SEPTIN9: variants seen among roughly 807,000 people sequenced by gnomAD.
SEPTIN9 encodes septin 9, also known as septin-9.
A neutral mutation model predicts 56.6 loss-of-function variants in SEPTIN9; 13 were observed. The ratio of observed to expected loss-of-function variants is 0.23; its 90% CI spans 0.15 to 0.37. The LOEUF (loss-of-function observed/expected upper bound fraction) is 0.37, where lower values mean the gene tolerates loss of function less well. Ranked by LOEUF, SEPTIN9 falls within the 10% of genes least tolerant of loss-of-function variation. The pLI is 1.00. For missense variants in SEPTIN9, 650 were observed against 823.1 expected (o/e 0.79, Z 2.57); for synonymous variants, 332 against 334.1 (o/e 0.99, Z 0.07).
In SEPTIN9 at chr17:77,440,386, T is replaced by C. The variant is rs1218399813; in HGVS notation, c.721+37683T>C. On this transcript the variant is annotated intron_variant, in intron 3 of 11. Coordinates refer to ENST00000427177, the MANE Select transcript of SEPTIN9 (RefSeq NM_001113491.2). The stretch of plus-strand genomic sequence containing the variant: ...GCCAGGCTGGTCTCGAACTCCCGAC[T>C]TCAGGTGATCCGCCTGCCTTCGCCT... Among the ~76,000 whole-genome samples the C allele has an allele frequency of 2.0e-5, 3 of 152,226 alleles. No homozygotes were observed. In the East Asian group the frequency reaches 5.8e-4, roughly 30 times the overall value.
intron 3 of SEPTIN9, among the ~76,000 whole-genome samples, chr17:77,480,790 C>T (rs1019845410): frequency 1.3e-5 from 2 of 152,156 alleles, no homozygotes; most frequent in African/African-American, 2.4e-5. Flanking sequence ...CCTGTCTTAG[C>T]GCAGGATGCC....
At chr17:77,295,351 T>G (rs955098109) in intron 1 of SEPTIN9, among the ~76,000 whole-genome samples, 1 of 152,118 alleles carries the variant, frequency 6.6e-6, no homozygotes, top group African/African-American at 2.4e-5. Flanking sequence ...GAGGAAGTCC[T>G]GTGACCAGAG....
intron 3 of SEPTIN9, among the ~76,000 whole-genome samples, chr17:77,447,386 C>G (rs1568075904): frequency 6.6e-6 from 1 of 152,136 alleles, no homozygotes; most frequent in East Asian, 1.9e-4. Flanking sequence ...GACCCTCCAC[C>G]AAAAAACATT....
Position 77,329,330 on chromosome 17 carries a change from C to A in SEPTIN9, c.76+22133C>A, listed in dbSNP as rs746061045. 9.2e-5 allele frequency among the ~76,000 whole-genome samples: 14 copies of A among 152,286 alleles called. No homozygotes were observed. Among genetic ancestry groups the A allele is most frequent in the Admixed American group, 4.6e-4 (7 of 15,304 alleles). On this transcript the variant is annotated intron_variant, in intron 2 of 11. Coordinates refer to ENST00000427177, the MANE Select transcript of SEPTIN9 (RefSeq NM_001113491.2). This position sits in a 1 kb window ranked among gnomAD's most constrained non-coding sequence, Gnocchi z 4.3. Reference sequence around the variant, plus strand: ...CTGGATGGACCCACCTGCCTGGCTGCCCCCGTCAGCATCCAGCAGAGGCCA... The same window carrying A: ...CTGGATGGACCCACCTGCCTGGCTGACCCCGTCAGCATCCAGCAGAGGCCA...
intron 3 of SEPTIN9, among the ~76,000 whole-genome samples, chr17:77,438,715 G>C (rs1312629925): frequency 2.6e-5 from 4 of 152,222 alleles, no homozygotes; most frequent in Admixed American, 2.6e-4. Flanking sequence ...CTGTAGCCTA[G>C]TGAGGTGGAG....
intron 3 of SEPTIN9, chr17:77,446,911 T>TA (rs2037762894): frequency 6.0e-6 from 1 of 167,272 alleles, no homozygotes; most frequent in East Asian, 1.9e-4. Flanking sequence ...TATATTTTTT[T>TA]ATTGTGCTAA....
rs766121476 is a variant in SEPTIN9 at position 77,476,626 on chromosome 17, C to T, written c.722-5518C>T. On this transcript the variant is annotated intron_variant, in intron 3 of 11. Coordinates refer to ENST00000427177, the MANE Select transcript of SEPTIN9 (RefSeq NM_001113491.2). This position sits in a 1 kb window ranked among gnomAD's most constrained non-coding sequence, Gnocchi z 6.0. Reference sequence around the variant, plus strand: ...GCAGATTTGGGGGCAGTCCCCATCACGGGACCGGTGACCTACTGCCACCAG... The same window carrying T: ...GCAGATTTGGGGGCAGTCCCCATCATGGGACCGGTGACCTACTGCCACCAG... Among the ~76,000 whole-genome samples, 11 of 152,234 alleles carry T rather than the reference C, an allele frequency of 7.2e-5. No homozygotes were observed. Among genetic ancestry groups the T allele is most frequent in the Non-Finnish European group, 1.3e-4 (9 of 68,034 alleles).
At chr17:77,401,676 G>A (rs2035905028) in intron 2 of SEPTIN9, among the ~76,000 whole-genome samples, 2 of 151,770 alleles carry the variant, frequency 1.3e-5, no homozygotes, top group Admixed American at 1.3e-4. Flanking sequence ...AACCCGGGAG[G>A]TGCCGCTGCA....
chr17:77,290,580 C>G (rs940174525), intron 1 of SEPTIN9, among the ~76,000 whole-genome samples: 2 of 151,760 alleles, frequency 1.3e-5, no homozygotes, highest in African/African-American at 4.8e-5. Flanking sequence ...GTAATCCCAG[C>G]ACTTTGAGAG....
At position 77,465,470 on chromosome 17, in the gene SEPTIN9, G is replaced by A. The variant is rs558411323; in HGVS notation, c.722-16674G>A. 2.2e-4 allele frequency among the ~76,000 whole-genome samples: 34 copies of A among 152,320 alleles called. No homozygotes were observed. The South Asian group carries it at 5.8e-3, about 26-fold the overall frequency. ...CAGCCAGGTGCTGCGAGTCCGTGTC[G>A]CAGCCATTTCTCTGTGCTGTGCTCT... On this transcript the variant is annotated intron_variant, in intron 3 of 11. Coordinates refer to ENST00000427177, the MANE Select transcript of SEPTIN9 (RefSeq NM_001113491.2).
chr17:77,450,460 C>G lies in SEPTIN9; in HGVS notation c.722-31684C>G. On this transcript the variant is annotated intron_variant, in intron 3 of 11. Coordinates refer to ENST00000427177, the MANE Select transcript of SEPTIN9 (RefSeq NM_001113491.2). The surrounding 1 kb of genome is among the most constrained non-coding windows in gnomAD (Gnocchi z 6.0). The stretch of plus-strand genomic sequence containing the variant: ...AATCCCTCCCAGCCCCCAGCAAGCC[C>G]TCGGAACGAGCCCACTCCCAGGCGC... 4 of 985,206 alleles carry G rather than the reference C, an allele frequency of 4.1e-6. No homozygotes were observed. The highest frequency in any genetic ancestry group is 4.8e-6 in the Non-Finnish European group (4 of 829,730). The allele number at this position is 985,206 out of a possible 1,614,324, so 61.0% of individuals were successfully genotyped here. A position where few individuals can be genotyped will look rare whatever the true frequency, so the allele number is the denominator to read the frequency against.
At chr17:77,458,138 C>T (rs906931669) in intron 3 of SEPTIN9, among the ~76,000 whole-genome samples, 4 of 152,208 alleles carry the variant, frequency 2.6e-5, no homozygotes, top group Non-Finnish European at 5.9e-5. Context: ...AGGAATGTTT[C>T]AAGCTTCCAG....
In SEPTIN9 at chr17:77,487,935, C is replaced by G. The variant is rs2143344889; in HGVS notation, c.1043-305C>G. ...CGGGGACTCGCTGTGCCCACCATCC[C>G]CAGCATGTTGAGCATGTTGGGGCTC... On this transcript the variant is annotated intron_variant, in intron 5 of 11. Transcript: ENST00000427177. This position sits in a 1 kb window ranked among gnomAD's most constrained non-coding sequence, Gnocchi z 4.3. 6.6e-6 allele frequency among the ~76,000 whole-genome samples: 1 copy of G among 152,324 alleles called. No homozygotes were observed. The highest frequency in any genetic ancestry group is 1.9e-4 in the East Asian group (1 of 5,166).
chr17:77,484,830 C>A (rs181275651), intron 4 of SEPTIN9, among the ~76,000 whole-genome samples: 4 of 10,334 alleles, frequency 3.9e-4, no homozygotes, highest in East Asian at 7.2e-3. Flanking sequence ...ATGGTGGTGG[C>A]GATGGTGGTT....
At position 77,425,297 on chromosome 17, in the gene SEPTIN9, G is replaced by A. The variant is rs1051610250; in HGVS notation, c.721+22594G>A. Among the ~76,000 whole-genome samples, 6 of 152,190 alleles carry A rather than the reference G, an allele frequency of 3.9e-5. No homozygotes were observed. The highest frequency in any genetic ancestry group is 3.9e-4 in the Admixed American group (6 of 15,290). On this transcript the variant is annotated intron_variant, in intron 3 of 11. Transcript: ENST00000427177. The surrounding 1 kb of genome is among the most constrained non-coding windows in gnomAD (Gnocchi z 4.2). Reference sequence around the variant, plus strand: ...GGGCCAGCGGCCTCCGGAAGCCTCTGGGCTTTGCAAGCTGGACTCCCCAGA... The same window carrying A: ...GGGCCAGCGGCCTCCGGAAGCCTCTAGGCTTTGCAAGCTGGACTCCCCAGA...
At chr17:77,328,067 G>T (rs2033213350) in intron 2 of SEPTIN9, among the ~76,000 whole-genome samples, 1 of 147,748 alleles carries the variant, frequency 6.8e-6, no homozygotes, top group Non-Finnish European at 1.5e-5. Flanking sequence ...CGTGCCCAGG[G>T]TGTCCCTGTA....
At position 77,310,689 on chromosome 17, in the gene SEPTIN9, C is replaced by T. The variant is rs1012103839; in HGVS notation, c.76+3492C>T. On this transcript the variant is annotated intron_variant, in intron 2 of 11. Transcript: ENST00000427177. This position sits in a 1 kb window ranked among gnomAD's most constrained non-coding sequence, Gnocchi z 4.7. ...GCCTTCTGGTAGGCTCTCCCATGTT[C>T]GCTCATTTTCTGTGCCTCAGGCAGC... Among the ~76,000 whole-genome samples the T allele has an allele frequency of 2.6e-5, 4 of 152,152 alleles. No homozygotes were observed. Among genetic ancestry groups the T allele is most frequent in the Non-Finnish European group, 2.9e-5 (2 of 68,030 alleles).
intron 3 of SEPTIN9, among the ~76,000 whole-genome samples, chr17:77,420,433 C>G (rs2036658286): frequency 6.6e-6 from 1 of 152,212 alleles, no homozygotes; most frequent in Non-Finnish European, 1.5e-5. Flanking sequence ...GGTGCCTGGC[C>G]CCTGTGAAAC....
chr17:77,418,188 G>A (rs375841621), intron 3 of SEPTIN9, among the ~76,000 whole-genome samples: 108 of 152,318 alleles, frequency 7.1e-4, no homozygotes, highest in African/African-American at 2.4e-3. Flanking sequence ...GGTGTGGACA[G>A]GATAGCCCTG....
Sources: allele counts gnomAD v4.1 joint callset (sites outside exome capture counted in the v4.1 genomes callset), GRCh38; gene constraint gnomAD v4.1.1; non-coding constraint Gnocchi (gnomAD v3.1); transcripts MANE v1.5; gene names NCBI Gene and HGNC (gene_info 2026-07-23, HGNC 2026-07-21).